Variants in PPP2R3A observed in about 807,000 individuals in gnomAD.
PPP2R3A encodes the protein protein phosphatase 2 regulatory subunit B''alpha, also known as serine/threonine-protein phosphatase 2A regulatory subunit B'' subunit alpha.
Under a neutral mutation model 106.9 loss-of-function variants are expected in PPP2R3A, and 80 were observed. The observed-to-expected ratio is 0.75, with a 90% CI of 0.62 to 0.90. The LOEUF (loss-of-function observed/expected upper bound fraction) is 0.90. Among genes scored for constraint, PPP2R3A ranks in the 40% least tolerant of loss-of-function variants. The pLI is 0.00. For synonymous variants in PPP2R3A, 483 were observed against 468.3 expected (o/e 1.03, Z -0.41); for missense variants, 1,386 against 1,350.4 (o/e 1.03, Z -0.41).
In PPP2R3A at chr3:136,103,329, G is replaced by C; in HGVS notation, c.3175G>C (p.Glu1059Gln). Residue 1059 changes from glutamate to glutamine, a missense_variant, in exon 12 of 14, where the codon GAG becomes CAG. Physicochemically the swap from Glu to Gln is conservative, Grantham distance 29. Coordinates refer to ENST00000264977, the MANE Select transcript of PPP2R3A (RefSeq NM_002718.5). ...CTTCTATGACACTTTCTTTAATCTG[G>C]AGAAATACTTAGACCATGAACAGAG... The part of the protein sequence containing the change: ...HIFYDTFFNL[E>Q]KYLDHEQRDP... 1 of 1,610,172 alleles carries C rather than the reference G, an allele frequency of 6.2e-7. No individual in the cohort carries two copies. The highest frequency in any genetic ancestry group is 8.5e-7 in the Non-Finnish European group (1 of 1,176,698).
intron 5 of PPP2R3A, among the ~76,000 whole-genome samples, chr3:136,060,337 A>G (rs1936033640): frequency 6.6e-6 from 1 of 152,244 alleles, no homozygotes; most frequent in African/African-American, 2.4e-5. Context: ...AGTAAAGAAT[A>G]GAATGGTAAT....
chr3:136,079,286 A>G, intron 7 of PPP2R3A: 1 of 377,302 alleles, frequency 2.7e-6, no homozygotes, highest in Non-Finnish European at 5.4e-6. Context: ...CTCAGTAGGT[A>G]ATATGGGATG....
chr3:135,968,386 C>T (rs1035918110), intron 1 of PPP2R3A, among the ~76,000 whole-genome samples: 1 of 152,046 alleles, frequency 6.6e-6, no homozygotes, highest in Non-Finnish European at 1.5e-5. Context: ...GGGAAGTGAC[C>T]TTTGAGGTGG....
In PPP2R3A at chr3:136,003,517, C is replaced by T. The variant is rs373841502; in HGVS notation, c.1995+24C>T. 5.4e-5 allele frequency: 83 copies of T among 1,523,348 alleles called. No individual in the cohort carries two copies. The African/African-American group carries it at 1.1e-3, about 20-fold the overall frequency. The allele number at this position is 1,523,348 out of a possible 1,614,324, so 94.4% of individuals were successfully genotyped here. ...AGGTAAGACCCAACAATTTTGAGTC[C>T]TAGGAACTCTTTAAAAAATGTTTAG... On this transcript the variant is annotated intron_variant, in intron 2 of 13. Transcript: ENST00000264977.
At chr3:135,968,922 A>G (rs561358013) in intron 1 of PPP2R3A, among the ~76,000 whole-genome samples, 261 of 152,278 alleles carry the variant, frequency 1.7e-3, no homozygotes, top group Non-Finnish European at 3.1e-3. Context: ...ATTTCACTGT[A>G]TGGATATACC....
At chr3:136,140,286 T>C (rs146802319) in intron 13 of PPP2R3A, among the ~76,000 whole-genome samples, 1 of 151,990 alleles carries the variant, frequency 6.6e-6, no homozygotes, top group Non-Finnish European at 1.5e-5. Flanking sequence ...TTCTAACAGA[T>C]CTGACTCAAG....
intron 5 of PPP2R3A, among the ~76,000 whole-genome samples, chr3:136,057,189 T>A (rs1935898473): frequency 6.6e-6 from 1 of 151,884 alleles, no homozygotes; most frequent in African/African-American, 2.4e-5. Flanking sequence ...TCCGGAAATA[T>A]CCAAAAGAAA....
intron 10 of PPP2R3A, among the ~76,000 whole-genome samples, chr3:136,092,200 C>G (rs1444005708): frequency 1.3e-5 from 2 of 152,178 alleles, no homozygotes; most frequent in Non-Finnish European, 2.9e-5. Flanking sequence ...CGTGGTGATA[C>G]ATGCCTATAA....
rs139046894 is a variant in PPP2R3A at position 136,001,565 on chromosome 3, C to T, written c.67C>T (p.Arg23Cys). ...CTACAGCAGCGTGGTGATAGACCGGCGTTTTGAACAAGCTATACATTATTG... is the reference window on the plus strand; with the variant it reads ...CTACAGCAGCGTGGTGATAGACCGGTGTTTTGAACAAGCTATACATTATTG... ...NHYSSVVIDR[R>C]FEQAIHYCTG... Residue 23 changes from arginine to cysteine, a missense_variant, in exon 2 of 14, where the codon CGT becomes TGT. Transcript: ENST00000264977. 892 of 1,614,026 alleles carry T rather than the reference C, an allele frequency of 5.5e-4. No individual in the cohort carries two copies. The highest frequency in any genetic ancestry group is 7.2e-4 in the Non-Finnish European group (846 of 1,180,016).
In PPP2R3A at chr3:136,002,046, A is replaced by G. The variant is rs752753037; in HGVS notation, c.548A>G (p.Glu183Gly). 82 of 1,613,776 alleles carry G rather than the reference A, an allele frequency of 5.1e-5. No homozygotes were observed. The highest frequency in any genetic ancestry group is 6.8e-5 in the Non-Finnish European group (80 of 1,179,944). The change falls in exon 2 of 14, where the codon GAG becomes GGG. Residue 183 changes from glutamate (E) to glycine (G), a missense_variant. By Grantham distance (98) the Glu-to-Gly change is moderately conservative (BLOSUM62 -2). Coordinates refer to ENST00000264977, the MANE Select transcript of PPP2R3A (RefSeq NM_002718.5). The part of the protein sequence containing the change: ...SFGLLRSSSV[E>G]EKPLSHRNSL... ...GGTTTACTGCGGAGTTCCTCAGTTG[A>G]GGAAAAACCTTTGTCTCATAGAAAC... is the stretch of plus-strand genomic sequence containing the variant.
intron 1 of PPP2R3A, among the ~76,000 whole-genome samples, chr3:135,991,053 C>T (rs888162293): frequency 6.6e-6 from 1 of 152,124 alleles, no homozygotes; most frequent in Non-Finnish European, 1.5e-5. Context: ...TCTTACAGGA[C>T]GTTTTCCCTT....
At chr3:136,063,858 G>A (rs577430520) in intron 5 of PPP2R3A, among the ~76,000 whole-genome samples, 1 of 149,702 alleles carries the variant, frequency 6.7e-6, no homozygotes, top group East Asian at 1.9e-4. Context: ...AGTCAGTGTG[G>A]CGATTCCTCA....
chr3:136,042,476 G>C (rs939155157), intron 4 of PPP2R3A, among the ~76,000 whole-genome samples: 4 of 152,136 alleles, frequency 2.6e-5, no homozygotes, highest in African/African-American at 9.7e-5. Context: ...CACATCCTGC[G>C]CATGTACCTT....
intron 2 of PPP2R3A, among the ~76,000 whole-genome samples, chr3:136,016,300 G>A (rs1227410947): frequency 6.6e-6 from 1 of 152,044 alleles, no homozygotes; most frequent in Non-Finnish European, 1.5e-5. Context: ...TGCAGTTGTT[G>A]GGTAGAATAT....
chr3:136,065,739 C>T (rs960196416), intron 5 of PPP2R3A, among the ~76,000 whole-genome samples: 3 of 152,124 alleles, frequency 2.0e-5, no homozygotes, highest in African/African-American at 7.2e-5. Context: ...GCAGTGGCAC[C>T]ATCACAGCTC....
intron 2 of PPP2R3A, among the ~76,000 whole-genome samples, chr3:136,006,789 A>T (rs1257505771): frequency 6.6e-6 from 1 of 152,246 alleles, no homozygotes; most frequent in African/African-American, 2.4e-5. Flanking sequence ...ATAGATATAT[A>T]TGAATCCATT....
rs189210168 is a variant in PPP2R3A at position 135,977,399 on chromosome 3, G to A, written c.-441+11550G>A. Among the ~76,000 whole-genome samples, 20 of 152,270 alleles carry A rather than the reference G, an allele frequency of 1.3e-4. No individual in the cohort carries two copies. In the East Asian group the frequency reaches 3.5e-3, roughly 26 times the overall value. ...CCACTTAAAGATAACAGTTTGAGTGGTGTGATGCAAACATACAGTCGTTAG... is the reference window on the plus strand; with the variant it reads ...CCACTTAAAGATAACAGTTTGAGTGATGTGATGCAAACATACAGTCGTTAG... On this transcript the variant is annotated intron_variant, in intron 1 of 13. Coordinates refer to ENST00000264977, the MANE Select transcript of PPP2R3A (RefSeq NM_002718.5).
chr3:136,037,681 C>A (rs1227870436), intron 3 of PPP2R3A, among the ~76,000 whole-genome samples: 3 of 152,160 alleles, frequency 2.0e-5, no homozygotes, highest in Non-Finnish European at 2.9e-5. Flanking sequence ...AAATTACAAG[C>A]CTGAGACATC....
intron 3 of PPP2R3A, among the ~76,000 whole-genome samples, chr3:136,027,873 G>A (rs1048668957): frequency 6.6e-6 from 1 of 152,202 alleles, no homozygotes; most frequent in Non-Finnish European, 1.5e-5. Flanking sequence ...GCTGCATGGA[G>A]GCAAGTAGGA....
Sources: gnomAD v4.1 joint callset for allele counts (sites outside exome capture counted in the v4.1 genomes callset) on GRCh38, gnomAD v4.1.1 for gene constraint, MANE v1.5 for transcripts, NCBI Gene and HGNC (gene_info 2026-07-23, HGNC 2026-07-21) for gene names.